EXOC4: variants seen among roughly 807,000 people sequenced by gnomAD.
The protein encoded by EXOC4 is SEC8-like 1.
In EXOC4, 71 loss-of-function variants were observed where a neutral mutation model predicts 107.2. The observed-to-expected ratio is 0.66, with a 90% CI of 0.55 to 0.81. The LOEUF is 0.81. Ranked by LOEUF, EXOC4 falls within the 30% of genes least tolerant of loss-of-function variation. EXOC4 has a pLI of 0.00. For missense variants in EXOC4, 1,108 were observed against 1,189.6 expected (o/e 0.93, Z 1.01); for synonymous variants, 456 against 441.2 (o/e 1.03, Z -0.42).
intron 1 of EXOC4, among the ~76,000 whole-genome samples, chr7:133,264,193 T>G (rs1394926979): frequency 6.6e-6 from 1 of 152,196 alleles, no homozygotes; most frequent in African/African-American, 2.4e-5. Context: ...GATAATGACC[T>G]TTGTTGCCTA....
chr7:133,804,314 AC>A (rs1188549344), intron 10 of EXOC4, among the ~76,000 whole-genome samples: 2 of 152,154 alleles, frequency 1.3e-5, no homozygotes, highest in Admixed American at 1.3e-4. Flanking sequence ...AAGGGACAAG[AC>A]TAATATCATA....
chr7:133,867,364 G>A (rs576333642), intron 11 of EXOC4, among the ~76,000 whole-genome samples: 1 of 152,294 alleles, frequency 6.6e-6, no homozygotes, highest in South Asian at 2.1e-4. Flanking sequence ...TCAGTACTCA[G>A]TAAATGTTCA....
intron 9 of EXOC4, among the ~76,000 whole-genome samples, chr7:133,564,093 C>T (rs749473892): frequency 2.0e-5 from 3 of 152,058 alleles, no homozygotes; most frequent in South Asian, 2.1e-4. Flanking sequence ...TGTATTAGTC[C>T]GTTCTCACAT....
chr7:133,673,020 C>A (rs1008230442), intron 10 of EXOC4, among the ~76,000 whole-genome samples: 1 of 152,140 alleles, frequency 6.6e-6, no homozygotes, highest in South Asian at 2.1e-4. Context: ...TGTTGGAAAT[C>A]CCAGATTCTG....
chr7:133,788,429 A>T, intron 10 of EXOC4, among the ~76,000 whole-genome samples: 1 of 151,794 alleles, frequency 6.6e-6, no homozygotes, highest in Admixed American at 6.6e-5. Flanking sequence ...TGTCTTGGTC[A>T]TCTCAGTAAA....
intron 8 of EXOC4, chr7:133,479,026 A>G (rs536494859): frequency 6.6e-6 from 1 of 152,312 alleles, no homozygotes; most frequent in East Asian, 1.9e-4. Flanking sequence ...AGAAGGCATA[A>G]TTAAGAAAAT....
intron 10 of EXOC4, among the ~76,000 whole-genome samples, chr7:133,770,411 T>TA (rs1354894038): frequency 1.3e-5 from 2 of 151,882 alleles, no homozygotes; most frequent in Non-Finnish European, 2.9e-5. Context: ...CTGTGATCGT[T>TA]AAAAAAGACA....
intron 6 of EXOC4, among the ~76,000 whole-genome samples, chr7:133,363,487 A>G (rs948654953): frequency 2.6e-5 from 4 of 152,204 alleles, no homozygotes; most frequent in South Asian, 4.1e-4. Flanking sequence ...TTGGACAGCT[A>G]TCATTCTGGT....
At chr7:134,016,724 G>T (rs1000862939) in intron 17 of EXOC4, among the ~76,000 whole-genome samples, 28 of 152,198 alleles carry the variant, frequency 1.8e-4, no homozygotes, top group African/African-American at 6.0e-4. Flanking sequence ...TCCCAGGGGA[G>T]CTGTTTACAT....
At chr7:133,400,824 A>G (rs1797073387) in intron 7 of EXOC4, among the ~76,000 whole-genome samples, 1 of 152,208 alleles carries the variant, frequency 6.6e-6, no homozygotes, top group African/African-American at 2.4e-5. Flanking sequence ...GAATGTAGAG[A>G]TAGGTGGAAC....
chr7:133,271,279 C>T (rs10262862), intron 1 of EXOC4, among the ~76,000 whole-genome samples: 102,027 of 151,952 alleles, frequency 0.67, 36,286 homozygotes, highest in African/African-American at 0.91. Flanking sequence ...CTCAGACAAA[C>T]ATTTATTGTC....
intron 8 of EXOC4, among the ~76,000 whole-genome samples, chr7:133,477,181 A>G (rs190178892): frequency 6.6e-6 from 1 of 152,282 alleles, no homozygotes; most frequent in East Asian, 1.9e-4. Flanking sequence ...ACTAAATTCC[A>G]TAGTTTACAT....
At chr7:133,344,513 G>T (rs894924060) in intron 5 of EXOC4, among the ~76,000 whole-genome samples, 2 of 152,166 alleles carry the variant, frequency 1.3e-5, no homozygotes, top group Admixed American at 1.3e-4. Flanking sequence ...CGGAAGGTTT[G>T]TGGTCTCTGA....
At chr7:133,941,726 G>T (rs1271039967) in intron 14 of EXOC4, among the ~76,000 whole-genome samples, 1 of 151,886 alleles carries the variant, frequency 6.6e-6, no homozygotes, top group African/African-American at 2.4e-5. Flanking sequence ...GAAAAAGAAT[G>T]CATTGACTCA....
intron 17 of EXOC4, among the ~76,000 whole-genome samples, chr7:134,050,488 GT>G (rs57598932): frequency 0.32 from 46,935 of 145,030 alleles, 7,658 homozygotes; most frequent in African/African-American, 0.43. Flanking sequence ...AATATTAAGA[GT>G]TTTTTTTTAA....
intron 10 of EXOC4, among the ~76,000 whole-genome samples, chr7:133,783,477 G>A (rs1796508001): frequency 6.6e-6 from 1 of 152,208 alleles, no homozygotes; most frequent in Admixed American, 6.5e-5. Context: ...GGACATAACT[G>A]CTTTTATGGA....
At chr7:133,605,500 A>G (rs1192597499) in intron 9 of EXOC4, among the ~76,000 whole-genome samples, 1 of 152,148 alleles carries the variant, frequency 6.6e-6, no homozygotes, top group Non-Finnish European at 1.5e-5. Flanking sequence ...GAACCATGAA[A>G]TGTGTGGCCT....
intron 10 of EXOC4, among the ~76,000 whole-genome samples, chr7:133,810,469 A>G (rs73724757): frequency 0.017 from 2,584 of 152,288 alleles, 70 homozygotes; most frequent in African/African-American, 0.059. Context: ...GCAAGAAAGT[A>G]AATTCAACAA....
At chr7:134,072,363 G>C in the EXOC4 span, among the ~76,000 whole-genome samples, 12 of 152,206 alleles carry the variant, frequency 7.9e-5, no homozygotes, top group Non-Finnish European at 1.6e-4. Flanking sequence ...AATTAAACCT[G>C]GGTGGGGTTT....
Sources: gnomAD v4.1 joint callset for allele counts (sites outside exome capture counted in the v4.1 genomes callset) on GRCh38, gnomAD v4.1.1 for gene constraint, MANE v1.5 for transcripts, NCBI Gene and HGNC (gene_info 2026-07-23, HGNC 2026-07-21) for gene names.